The following DMD variants were observed in gnomAD, a reference collection of about 807,000 sequenced individuals.
The protein encoded by DMD is dystrophin, also known as mutant dystrophin.
In DMD, 63 loss-of-function variants were observed where a neutral mutation model predicts 330.1. The observed-to-expected ratio is 0.19, with a 90% CI of 0.16 to 0.24. The LOEUF (loss-of-function observed/expected upper bound fraction) is 0.24. Ranked by LOEUF, DMD falls within the 10% of genes least tolerant of loss-of-function variation. The probability of loss-of-function intolerance (pLI) is 1.00; values close to 1 mark genes in which losing one functional copy is unlikely to be tolerated. For missense variants in DMD, 3,344 were observed against 2,684.1 expected, an observed-to-expected ratio of 1.25 and a Z score of -5.43; for synonymous variants, 1,223 against 959.8, an observed-to-expected ratio of 1.27 and a Z score of -5.07.
chrX:32,426,914 C>T (rs945126599), intron 29 of DMD, among the ~76,000 whole-genome samples: 2 of 111,087 alleles, frequency 1.8e-5, no homozygotes, highest in Non-Finnish European at 3.8e-5. Context: ...AATGAGAATA[C>T]ATGGACACAA....
At chrX:32,565,918 T>G in intron 15 of DMD, 37 bp from the exon 16 acceptor site, 1 of 1,122,649 alleles carries the variant, frequency 8.9e-7, no homozygotes, top group Non-Finnish European at 1.2e-6. Context: ...TAAGCCTGGG[T>G]TGCATTCCAT....
chrX:31,556,943 C>A (rs779462041), intron 55 of DMD, among the ~76,000 whole-genome samples: 1 of 111,861 alleles, frequency 8.9e-6, no homozygotes, highest in East Asian at 2.8e-4. Flanking sequence ...TTATTTACTG[C>A]CCATTTGTTT....
At chrX:32,112,931 G>A (rs1322507394) in intron 44 of DMD, among the ~76,000 whole-genome samples, 1 of 111,880 alleles carries the variant, frequency 8.9e-6, no homozygotes, top group Non-Finnish European at 1.9e-5. Flanking sequence ...GTGTTTCACC[G>A]ATTTCTCAGG....
chrX:31,565,083 T>C (rs140809881), intron 55 of DMD, among the ~76,000 whole-genome samples: 2,108 of 112,249 alleles, frequency 0.019, 60 homozygotes, highest in African/African-American at 0.064. Context: ...TTTGAGATAA[T>C]TGTATGTTCA....
chrX:31,213,178 G>A (rs770240301), intron 64 of DMD, among the ~76,000 whole-genome samples: 1 of 112,578 alleles, frequency 8.9e-6, no homozygotes. Context: ...AGTTGTCTGT[G>A]CAGTAAGGGT....
intron 50 of DMD, among the ~76,000 whole-genome samples, chrX:31,813,537 C>T (rs1004614605): frequency 8.9e-6 from 1 of 112,138 alleles, no homozygotes; most frequent in African/African-American, 3.2e-5. Flanking sequence ...GCTCTTCCTT[C>T]GCCTTCTGCC....
intron 55 of DMD, among the ~76,000 whole-genome samples, chrX:31,599,219 A>G (rs11797468): frequency 0.02 from 2,264 of 112,154 alleles, 30 homozygotes; most frequent in Non-Finnish European, 0.031. Flanking sequence ...TTTACTAGTG[A>G]GAGGCATCCT....
intron 16 of DMD, among the ~76,000 whole-genome samples, chrX:32,546,144 C>A (rs1460457443): frequency 9.7e-6 from 1 of 102,602 alleles, no homozygotes; most frequent in African/African-American, 3.6e-5. Context: ...GAGGCCATCA[C>A]CTCAATACAT....
At chrX:31,721,158 A>C (rs2085441061) in intron 52 of DMD, among the ~76,000 whole-genome samples, 2 of 111,640 alleles carry the variant, frequency 1.8e-5, no homozygotes, top group South Asian at 7.5e-4. Flanking sequence ...TACTACTAAA[A>C]AAATAAAAGA....
chrX:32,889,005 A>G (rs2084935032), intron 2 of DMD, among the ~76,000 whole-genome samples: 1 of 109,915 alleles, frequency 9.1e-6, no homozygotes, highest in Admixed American at 9.8e-5. Context: ...GACTGGATGG[A>G]GAATGTAAAG....
At chrX:31,513,388 G>A (rs1484185590) in intron 55 of DMD, among the ~76,000 whole-genome samples, 1 of 109,411 alleles carries the variant, frequency 9.1e-6, no homozygotes, top group Non-Finnish European at 1.9e-5. Context: ...TAGGAGTGGT[G>A]AGAGAGGGCA....
chrX:32,536,179 C>T (rs1050516382), intron 17 of DMD, among the ~76,000 whole-genome samples: 7 of 103,490 alleles, frequency 6.8e-5, no homozygotes, highest in Admixed American at 2.2e-4. Context: ...GCAGGACAAT[C>T]GCTTGAACCC....
chrX:31,496,768 G>A lies in DMD; in HGVS notation c.8547+20C>T, dbSNP rs769832277. ...TATGTGCTTAACATGTGCAAGGCAC[G>A]AGGCTTAAAAATGTCCTACCCTATG... is the stretch of plus-strand genomic sequence containing the variant. On this transcript the variant is annotated intron_variant, in intron 57 of 78. Coordinates refer to ENST00000357033, the MANE Select transcript of DMD (RefSeq NM_004006.3). 7.4e-6 allele frequency: 9 copies of A among 1,209,906 alleles called. No individual in the cohort carries two copies. The East Asian group carries it at 2.7e-4, about 36-fold the overall frequency.
chrX:32,507,538 C>G (rs767818378), intron 18 of DMD, among the ~76,000 whole-genome samples: 1 of 111,514 alleles, frequency 9.0e-6, no homozygotes, highest in Non-Finnish European at 1.9e-5. Flanking sequence ...CCTTTAATAT[C>G]TTGTTAACCA....
intron 76 of DMD, among the ~76,000 whole-genome samples, chrX:31,139,719 G>T (rs918168474): frequency 3.7e-5 from 4 of 107,079 alleles, no homozygotes; most frequent in Non-Finnish European, 7.7e-5. Flanking sequence ...GGGTGGGAGG[G>T]GGGTGAAGGA....
intron 7 of DMD, among the ~76,000 whole-genome samples, chrX:32,749,866 C>T (rs1022739687): frequency 8.9e-6 from 1 of 112,426 alleles, no homozygotes. Context: ...GCTAACACCA[C>T]ACATAGCAAA....
At chrX:31,490,514 C>G (rs910831332) in intron 57 of DMD, among the ~76,000 whole-genome samples, 6 of 111,315 alleles carry the variant, frequency 5.4e-5, no homozygotes, top group Non-Finnish European at 9.4e-5. Context: ...CGAGATCGCA[C>G]CGCTGCACTC....
At chrX:32,832,081 T>A (rs1467093022) in intron 4 of DMD, among the ~76,000 whole-genome samples, 1 of 111,000 alleles carries the variant, frequency 9.0e-6, no homozygotes, top group Non-Finnish European at 1.9e-5. Flanking sequence ...CATTTCAGAG[T>A]TTGATATTTG....
intron 2 of DMD, among the ~76,000 whole-genome samples, chrX:32,865,595 T>C (rs1197996789): frequency 2.7e-5 from 3 of 112,275 alleles, no homozygotes; most frequent in Non-Finnish European, 3.8e-5. Context: ...CCCATCCGAG[T>C]GTACCGACTT....
Sources: allele counts gnomAD v4.1 joint callset (sites outside exome capture counted in the v4.1 genomes callset), GRCh38; gene constraint gnomAD v4.1.1; transcripts MANE v1.5; gene names NCBI Gene and HGNC (gene_info 2026-07-23, HGNC 2026-07-21).